Variants in IL1RAP observed in about 807,000 individuals in gnomAD.
IL1RAP encodes the protein interleukin-1 receptor accessory protein.
IL1RAP carries 35 observed loss-of-function variants against 60.7 expected under a neutral mutation model. The ratio of observed to expected loss-of-function variants is 0.58; its 90% CI spans 0.44 to 0.76. The LOEUF (loss-of-function observed/expected upper bound fraction) is 0.76, where lower values mean the gene tolerates loss of function less well. IL1RAP is among the 30% of genes least tolerant of loss of function. IL1RAP has a pLI of 0.00. For synonymous variants in IL1RAP, 268 were observed against 250.9 expected, an observed-to-expected ratio of 1.07 and a Z score of -0.64; for missense variants, 572 against 693.9, an observed-to-expected ratio of 0.82 and a Z score of 1.97.
At chr3:190,562,844 G>T (rs1726030590) in intron 2 of IL1RAP, among the ~76,000 whole-genome samples, 1 of 152,040 alleles carries the variant, frequency 6.6e-6, no homozygotes, top group South Asian at 2.1e-4. Flanking sequence ...GAGAGAAAAA[G>T]ATTTCCCCAA....
chr3:190,629,611 C>A, intron 9 of IL1RAP, 113 bp downstream of exon 9: 1 of 1,435,578 alleles, frequency 7.0e-7, no homozygotes. Flanking sequence ...CCGACGGCAT[C>A]TAACCCATAG....
chr3:190,547,520 G>A (rs567550485), intron 1 of IL1RAP, among the ~76,000 whole-genome samples: 1 of 152,184 alleles, frequency 6.6e-6, no homozygotes, highest in Non-Finnish European at 1.5e-5. Flanking sequence ...ATTTCTTTAG[G>A]GCTTACTTTT....
intron 3 of IL1RAP, among the ~76,000 whole-genome samples, chr3:190,587,266 C>G (rs1024266044): frequency 1.3e-5 from 2 of 152,198 alleles, no homozygotes; most frequent in African/African-American, 4.8e-5. Context: ...TACTGACTTG[C>G]TGTGTAATTG....
chr3:190,529,454 G>A (rs1248464927), intron 1 of IL1RAP, among the ~76,000 whole-genome samples: 1 of 152,034 alleles, frequency 6.6e-6, no homozygotes, highest in African/African-American at 2.4e-5. Context: ...TTGGGAGGCC[G>A]AGGCGGGCAG....
intron 9 of IL1RAP, among the ~76,000 whole-genome samples, chr3:190,632,183 C>T (rs1418104647): frequency 1.3e-5 from 2 of 152,172 alleles, no homozygotes; most frequent in African/African-American, 2.4e-5. Context: ...AACCTGTTTC[C>T]AAAGAGATTG....
chr3:190,592,370 C>A (rs1729019000), intron 3 of IL1RAP, among the ~76,000 whole-genome samples: 1 of 152,154 alleles, frequency 6.6e-6, no homozygotes, highest in African/African-American at 2.4e-5. Context: ...TACTGTATTA[C>A]CTTCCTTATT....
chr3:190,525,352 T>A (rs1364001225), intron 1 of IL1RAP, among the ~76,000 whole-genome samples: 2 of 152,142 alleles, frequency 1.3e-5, no homozygotes, highest in Non-Finnish European at 2.9e-5. Flanking sequence ...ACGATAGGCC[T>A]GAGGTCGTCA....
intron 3 of IL1RAP, among the ~76,000 whole-genome samples, chr3:190,567,907 C>A (rs1726561341): frequency 6.6e-6 from 1 of 152,130 alleles, no homozygotes; most frequent in South Asian, 2.1e-4. Flanking sequence ...AACTTCAGCT[C>A]AATACACGTC....
rs542441007 is a variant in IL1RAP at position 190,545,465 on chromosome 3, T to C, written c.-88-10665T>C. On this transcript the variant is annotated intron_variant, in intron 1 of 11. Transcript: ENST00000447382. Reference sequence around the variant, plus strand: ...CCCAGGGCCACAGCAGGCATTCGCATCCTTTTATCGGAGACAGCTACAGAT... The same window carrying C: ...CCCAGGGCCACAGCAGGCATTCGCACCCTTTTATCGGAGACAGCTACAGAT... Among the ~76,000 whole-genome samples the C allele has an allele frequency of 7.0e-4, 107 of 152,320 alleles. 1 individual carries two copies. In the South Asian group the frequency reaches 0.017, roughly 24 times the overall value.
chr3:190,635,509 T>C (rs1461302043), intron 9 of IL1RAP, among the ~76,000 whole-genome samples: 3 of 152,214 alleles, frequency 2.0e-5, no homozygotes, highest in Non-Finnish European at 4.4e-5. Flanking sequence ...CCTCATAGGA[T>C]TAGTTTAACT....
At chr3:190,529,499 A>G (rs1722799804) in intron 1 of IL1RAP, among the ~76,000 whole-genome samples, 1 of 151,754 alleles carries the variant, frequency 6.6e-6, no homozygotes, top group African/African-American at 2.4e-5. Context: ...CATCTGGCCA[A>G]CATGGTGAAA....
intron 5 of IL1RAP, among the ~76,000 whole-genome samples, chr3:190,616,169 A>G (rs1731253725): frequency 6.6e-6 from 1 of 152,206 alleles, no homozygotes; most frequent in Non-Finnish European, 1.5e-5. Context: ...TCTTGAAGCC[A>G]CTTCAGGCCA....
chr3:190,605,625 G>C (rs188039002), intron 4 of IL1RAP, among the ~76,000 whole-genome samples: 1 of 152,240 alleles, frequency 6.6e-6, no homozygotes, highest in East Asian at 1.9e-4. Context: ...CTGGAGGCTG[G>C]AAGTCCAAGA....
chr3:190,648,793 A>T lies in IL1RAP; in HGVS notation c.*88A>T. 1 of 1,490,846 alleles carries T rather than the reference A, an allele frequency of 6.7e-7. No homozygotes were observed. Among genetic ancestry groups the T allele is most frequent in the South Asian group, 1.4e-5 (1 of 70,590 alleles). The allele number at this position is 1,490,846 out of a possible 1,614,324, so 92.4% of individuals were successfully genotyped here. A position where few individuals can be genotyped will look rare whatever the true frequency, so the allele number is the denominator to read the frequency against. ...CTTCATTCGCAGTTTATGGTTTCATAGGCAAAAATAATGGTCTAAGCCTCC... is the reference window on the plus strand; with the variant it reads ...CTTCATTCGCAGTTTATGGTTTCATTGGCAAAAATAATGGTCTAAGCCTCC... On this transcript the variant is annotated 3_prime_UTR_variant, in exon 12 of 12. Transcript: ENST00000447382.
chr3:190,527,472 G>T (rs1722605094), intron 1 of IL1RAP, among the ~76,000 whole-genome samples: 1 of 152,118 alleles, frequency 6.6e-6, no homozygotes, highest in East Asian at 1.9e-4. Context: ...TTGCAGCGTT[G>T]CAACACCTCT....
At chr3:190,588,360 C>A (rs1303050415) in intron 3 of IL1RAP, among the ~76,000 whole-genome samples, 4 of 152,260 alleles carry the variant, frequency 2.6e-5, no homozygotes, top group African/African-American at 9.6e-5. Context: ...GATCCGCCCG[C>A]CTGGGCCTCC....
chr3:190,640,593 A>T (rs1000258941), intron 9 of IL1RAP, among the ~76,000 whole-genome samples: 5 of 152,186 alleles, frequency 3.3e-5, no homozygotes, highest in African/African-American at 1.2e-4. Flanking sequence ...GGCAGGGAAC[A>T]CTTGGAGGTG....
intron 4 of IL1RAP, among the ~76,000 whole-genome samples, chr3:190,608,176 A>T: frequency 6.6e-6 from 1 of 152,130 alleles, no homozygotes; most frequent in East Asian, 1.9e-4. Flanking sequence ...TTGTTAGCTG[A>T]TTTTTGTCAT....
At chr3:190,538,719 G>A (rs1453544726) in intron 1 of IL1RAP, among the ~76,000 whole-genome samples, 1 of 152,050 alleles carries the variant, frequency 6.6e-6, no homozygotes, top group Non-Finnish European at 1.5e-5. Context: ...ATTTCATCTT[G>A]TAGTTCCCAT....
Sources: gnomAD v4.1 joint callset for allele counts (sites outside exome capture counted in the v4.1 genomes callset) on GRCh38, gnomAD v4.1.1 for gene constraint, MANE v1.5 for transcripts, NCBI Gene and HGNC (gene_info 2026-07-23, HGNC 2026-07-21) for gene names.